The following ZC3H18 variants were observed in gnomAD, a reference collection of about 807,000 sequenced individuals.
The protein encoded by ZC3H18 is zinc finger CCCH-type containing 18.
ZC3H18 carries 8 observed loss-of-function variants against 106.1 expected under a neutral mutation model. That is an observed-to-expected ratio of 0.08 (90% CI 0.04 to 0.14). The LOEUF (loss-of-function observed/expected upper bound fraction) is 0.14, where lower values mean the gene tolerates loss of function less well. ZC3H18 is among the 10% of genes least tolerant of loss of function. The probability of loss-of-function intolerance (pLI) is 1.00; values close to 1 mark genes in which losing one functional copy is unlikely to be tolerated. For missense variants in ZC3H18, 1,318 were observed against 1,278.4 expected, an observed-to-expected ratio of 1.03 and a Z score of -0.47; for synonymous variants, 635 against 522.1, an observed-to-expected ratio of 1.22 and a Z score of -2.95.
At chr16:88,580,164 G>C (rs1293503494) in intron 2 of ZC3H18, among the ~76,000 whole-genome samples, 1 of 43,338 alleles carries the variant, frequency 2.3e-5, no homozygotes, top group African/African-American at 6.0e-5. Context: ...ATCTGTGTGT[G>C]TGTGTGTGTG....
intron 11 of ZC3H18, 109 bp from the exon 12 acceptor site, chr16:88,624,493 C>A: frequency 6.5e-7 from 1 of 1,543,444 alleles, no homozygotes; most frequent in South Asian, 1.2e-5. Flanking sequence ...CACCGAGCGT[C>A]ACAGGCATGC....
At chr16:88,571,523 T>C (rs1914406683) in intron 1 of ZC3H18, 1 of 685,760 alleles carries the variant, frequency 1.5e-6, no homozygotes, top group Admixed American at 6.3e-5. Flanking sequence ...CTTTTCCTGA[T>C]AATTTTACTA....
chr16:88,630,446 A>T, intron 16 of ZC3H18, 39 bp from the exon 17 acceptor site: 1 of 1,560,662 alleles, frequency 6.4e-7, no homozygotes, highest in East Asian at 2.3e-5. Flanking sequence ...CATTCCCTGT[A>T]CATCAGGAGG....
chr16:88,598,440 C>T (rs1269890334), intron 4 of ZC3H18, 114 bp downstream of exon 4: 30 of 1,501,340 alleles, frequency 2.0e-5, no homozygotes, highest in Non-Finnish European at 2.7e-5. Flanking sequence ...CCCCTTTCGG[C>T]TGCTTCTGTC....
intron 8 of ZC3H18, among the ~76,000 whole-genome samples, chr16:88,613,914 G>C (rs950983629): frequency 6.6e-6 from 1 of 151,986 alleles, no homozygotes; most frequent in Non-Finnish European, 1.5e-5. Context: ...CTGGGTGACA[G>C]AGAGAGACCC....
chr16:88,584,370 C>T (rs1009565717), intron 2 of ZC3H18, among the ~76,000 whole-genome samples: 1 of 150,524 alleles, frequency 6.6e-6, no homozygotes, highest in Non-Finnish European at 1.5e-5. Context: ...TGCAGTGAAC[C>T]GAGATCGTGC....
chr16:88,618,059 C>T (rs967770512), intron 8 of ZC3H18, among the ~76,000 whole-genome samples: 5 of 152,258 alleles, frequency 3.3e-5, no homozygotes, highest in Admixed American at 1.3e-4. Context: ...GCACAGAAGG[C>T]GCAGTTGCTG....
rs201686744 is a variant in ZC3H18, at chr16:88,630,592, C to T, written c.2663+11C>T. On this transcript the variant is annotated intron_variant, in intron 17 of 17. Coordinates refer to ENST00000301011, the MANE Select transcript of ZC3H18 (RefSeq NM_144604.4). ...AGCCCCGGCTGACAGGTGAGTCCCA[C>T]CCAGCATGTGCCCTGGGCACACCGA... 1.2e-4 allele frequency: 185 copies of T among 1,594,582 alleles called. No homozygotes were observed. Among genetic ancestry groups the T allele is most frequent in the Admixed American group, 3.6e-4 (21 of 57,886 alleles).
intron 3 of ZC3H18, among the ~76,000 whole-genome samples, chr16:88,591,402 G>A (rs1361435537): frequency 6.6e-6 from 1 of 152,120 alleles, no homozygotes; most frequent in Non-Finnish European, 1.5e-5. Flanking sequence ...GTGAAACCCT[G>A]TCTCTACTAA....
intron 3 of ZC3H18, among the ~76,000 whole-genome samples, chr16:88,588,221 G>A (rs1189551565): frequency 6.6e-6 from 1 of 152,248 alleles, no homozygotes; most frequent in Non-Finnish European, 1.5e-5. Context: ...ATTTCTGTAT[G>A]AAAGTGATGG....
chr16:88,611,924 A>C (rs757353613), intron 8 of ZC3H18, among the ~76,000 whole-genome samples: 60 of 152,064 alleles, frequency 3.9e-4, no homozygotes, highest in Admixed American at 1.6e-3. Flanking sequence ...TGAATTCCAA[A>C]GCATGCCTGG....
At chr16:88,581,334 C>T (rs1597322599) in intron 2 of ZC3H18, among the ~76,000 whole-genome samples, 1 of 152,314 alleles carries the variant, frequency 6.6e-6, no homozygotes, top group East Asian at 1.9e-4. Flanking sequence ...TCTCAGGGCA[C>T]ATGTCCCTTT....
At chr16:88,628,201 G>T (rs1007211254) in intron 15 of ZC3H18, 82 bp downstream of exon 15, 5 of 1,525,854 alleles carry the variant, frequency 3.3e-6, no homozygotes, top group Non-Finnish European at 4.4e-6. Flanking sequence ...TCCTCCTGGG[G>T]GACGGAGCCT....
At chr16:88,628,230 C>T in intron 15 of ZC3H18, 111 bp downstream of exon 15, 3 of 1,244,014 alleles carry the variant, frequency 2.4e-6, no homozygotes, top group Non-Finnish European at 3.3e-6. Flanking sequence ...GCGAGTGGGG[C>T]CTTGCAGGTG....
At chr16:88,630,450 C>G (rs755769309) in intron 16 of ZC3H18, 35 bp from the exon 17 acceptor site, 1 of 1,573,356 alleles carries the variant, frequency 6.4e-7, no homozygotes, top group East Asian at 2.3e-5. Flanking sequence ...CCCTGTACAT[C>G]AGGAGGGTGG....
intron 1 of ZC3H18, among the ~76,000 whole-genome samples, chr16:88,575,264 A>G (rs554143531): frequency 6.6e-6 from 1 of 152,130 alleles, no homozygotes; most frequent in African/African-American, 2.4e-5. Context: ...AAAGATGAAT[A>G]TTTTTATCTT....
At chr16:88,582,560 C>G (rs980463437) in intron 2 of ZC3H18, among the ~76,000 whole-genome samples, 4 of 152,120 alleles carry the variant, frequency 2.6e-5, no homozygotes, top group African/African-American at 9.7e-5. Context: ...GGGTTCTCTT[C>G]CGTGTCACTG....
At chr16:88,629,941 C>T (rs1163443335) in intron 16 of ZC3H18, among the ~76,000 whole-genome samples, 2 of 152,256 alleles carry the variant, frequency 1.3e-5, no homozygotes, top group Non-Finnish European at 2.9e-5. Flanking sequence ...TGTCCCTAAG[C>T]CCAGGGCCTG....
In ZC3H18 at chr16:88,627,638, A is replaced by C; in HGVS notation, c.2125A>C (p.Ser709Arg). The change falls in exon 14 of 18, where the codon AGC becomes CGC. Residue 709 changes from serine (S) to arginine (R), a missense_variant. Transcript: ENST00000301011. The surrounding 1 kb of genome is among the most constrained non-coding windows in gnomAD (Gnocchi z 4.5). The part of the protein sequence containing the change: ...SSRSRSLSVS[S>R]VSSVSSATSS... ...TGTGTCCAGGTCCCTGAGCGTGAGCAGCGTCTCCTCAGTGTCCAGTGCTAC... is the reference window on the plus strand; with the variant it reads ...TGTGTCCAGGTCCCTGAGCGTGAGCCGCGTCTCCTCAGTGTCCAGTGCTAC... 6.2e-7 allele frequency: 1 copy of C among 1,605,126 alleles called. No individual in the cohort carries two copies. Among genetic ancestry groups the C allele is most frequent in the Non-Finnish European group, 8.5e-7 (1 of 1,172,782 alleles).
Sources: allele counts gnomAD v4.1 joint callset (sites outside exome capture counted in the v4.1 genomes callset), GRCh38; gene constraint gnomAD v4.1.1; non-coding constraint Gnocchi (gnomAD v3.1); transcripts MANE v1.5; gene names NCBI Gene and HGNC (gene_info 2026-07-23, HGNC 2026-07-21).